GRM3: variants seen among roughly 807,000 people sequenced by gnomAD.
The protein encoded by GRM3 is metabotropic glutamate receptor 3.
GRM3 carries 26 observed loss-of-function variants against 70.5 expected under a neutral mutation model. The observed-to-expected ratio is 0.37, with a 90% CI of 0.27 to 0.51. GRM3 has a LOEUF of 0.51. GRM3 is among the 20% of genes least tolerant of loss of function. The pLI is 0.93. For synonymous variants in GRM3, 443 were observed against 434.9 expected (o/e 1.02, Z -0.23); for missense variants, 859 against 1,123.8 (o/e 0.76, Z 3.37).
At chr7:86,777,494 G>GT (rs563651864) in intron 2 of GRM3, among the ~76,000 whole-genome samples, 51 of 152,244 alleles carry the variant, frequency 3.3e-4, no homozygotes, top group African/African-American at 1.2e-3. Flanking sequence ...TGACTCAAGT[G>GT]TTTTTGGGGC....
At chr7:86,679,986 A>G (rs1794404582) in intron 1 of GRM3, among the ~76,000 whole-genome samples, 1 of 152,154 alleles carries the variant, frequency 6.6e-6, no homozygotes, top group Non-Finnish European at 1.5e-5. Context: ...CTATAATCCA[A>G]CTGGAAAAAT....
chr7:86,657,225 G>A (rs554774259), intron 1 of GRM3, among the ~76,000 whole-genome samples: 2 of 152,250 alleles, frequency 1.3e-5, no homozygotes, highest in African/African-American at 4.8e-5. Context: ...GTACTGAGGA[G>A]GACAAAGAAA....
intron 3 of GRM3, among the ~76,000 whole-genome samples, chr7:86,795,987 T>G (rs1797539989): frequency 6.6e-6 from 1 of 152,240 alleles, no homozygotes; most frequent in East Asian, 1.9e-4. Flanking sequence ...ATGAACAGAT[T>G]GCAAAAATTT....
chr7:86,664,498 T>A (rs533633422), intron 1 of GRM3, among the ~76,000 whole-genome samples: 4 of 151,934 alleles, frequency 2.6e-5, no homozygotes. Flanking sequence ...TCAAAATTAT[T>A]TATGTGTTAG....
At chr7:86,676,331 T>C (rs1166538914) in intron 1 of GRM3, among the ~76,000 whole-genome samples, 3 of 151,872 alleles carry the variant, frequency 2.0e-5, no homozygotes, top group Non-Finnish European at 4.4e-5. Context: ...ACAAAAAATA[T>C]CTCAATAAAA....
chr7:86,863,721 T>A (rs1005975687), intron 5 of GRM3, among the ~76,000 whole-genome samples: 1 of 152,210 alleles, frequency 6.6e-6, no homozygotes, highest in Non-Finnish European at 1.5e-5. Context: ...ATTAAGGTAC[T>A]GAAAACAGTA....
At chr7:86,665,018 C>T (rs1446708611) in intron 1 of GRM3, among the ~76,000 whole-genome samples, 2 of 151,930 alleles carry the variant, frequency 1.3e-5, no homozygotes, top group East Asian at 1.9e-4. Context: ...TTTAGTCTTG[C>T]AATACAATAA....
chr7:86,767,150 T>C (rs1796618761), intron 2 of GRM3, among the ~76,000 whole-genome samples: 1 of 151,910 alleles, frequency 6.6e-6, no homozygotes, highest in Non-Finnish European at 1.5e-5. Flanking sequence ...GGGCAGAGAT[T>C]GCAGTGAGCC....
chr7:86,711,244 G>A (rs969310644), intron 1 of GRM3, among the ~76,000 whole-genome samples: 2 of 151,804 alleles, frequency 1.3e-5, no homozygotes, highest in Admixed American at 6.6e-5. Flanking sequence ...ACAGTTGCCT[G>A]TAAAACATAT....
intron 1 of GRM3, among the ~76,000 whole-genome samples, chr7:86,734,630 G>T (rs916982620): frequency 6.6e-6 from 1 of 152,076 alleles, no homozygotes; most frequent in Admixed American, 6.5e-5. Flanking sequence ...CCAAGCAAAG[G>T]CCTCTGACAA....
chr7:86,774,492 T>C (rs1226480654), intron 2 of GRM3, among the ~76,000 whole-genome samples: 4 of 152,118 alleles, frequency 2.6e-5, no homozygotes, highest in Admixed American at 2.0e-4. Flanking sequence ...TTGTTACTAG[T>C]AACAAAGTTT....
intron 2 of GRM3, among the ~76,000 whole-genome samples, chr7:86,782,267 A>G (rs1473906899): frequency 6.6e-6 from 1 of 151,196 alleles, no homozygotes; most frequent in Non-Finnish European, 1.5e-5. Flanking sequence ...TCATAATGTA[A>G]TCTGCAATTT....
intron 1 of GRM3, among the ~76,000 whole-genome samples, chr7:86,705,077 T>C (rs1029956383): frequency 6.6e-6 from 1 of 151,988 alleles, no homozygotes; most frequent in Non-Finnish European, 1.5e-5. Flanking sequence ...GCAGTTTTAA[T>C]AAGGGAACTT....
intron 1 of GRM3, among the ~76,000 whole-genome samples, chr7:86,673,453 A>C (rs925077383): frequency 6.6e-6 from 1 of 152,012 alleles, no homozygotes; most frequent in African/African-American, 2.4e-5. Context: ...CTAATGCCTA[A>C]AACCAAGCCT....
At chr7:86,685,508 C>G (rs1794541968) in intron 1 of GRM3, among the ~76,000 whole-genome samples, 1 of 152,208 alleles carries the variant, frequency 6.6e-6, no homozygotes, top group Admixed American at 6.5e-5. Context: ...AGGACATTCA[C>G]TTTCGAAACA....
Position 86,828,060 on chromosome 7 carries a change from C to G in GRM3, c.1325-10779C>G, listed in dbSNP as rs1489179094. On this transcript the variant is annotated intron_variant, in intron 3 of 5. Coordinates refer to ENST00000361669, the MANE Select transcript of GRM3 (RefSeq NM_000840.3). ...CCGGGAGGCAGAGCTTGCAGTGAGC[C>G]GAGATCGTGCCACTGCACTACAGCC... Among the ~76,000 whole-genome samples, 4 of 142,120 alleles carry G rather than the reference C, an allele frequency of 2.8e-5. No homozygotes were observed. The South Asian group carries it at 8.8e-4, about 31-fold the overall frequency. The allele number at this position is 142,120 out of a possible 152,430, so 93.2% of individuals were successfully genotyped here.
intron 1 of GRM3, among the ~76,000 whole-genome samples, chr7:86,728,853 A>T (rs1795653893): frequency 6.6e-6 from 1 of 152,204 alleles, no homozygotes; most frequent in Non-Finnish European, 1.5e-5. Flanking sequence ...AAAGATACAC[A>T]ATGATTGTTA....
chr7:86,737,665 A>G (rs1206537473), intron 1 of GRM3, among the ~76,000 whole-genome samples: 1 of 152,208 alleles, frequency 6.6e-6, no homozygotes, highest in Non-Finnish European at 1.5e-5. Context: ...GAAAAAAATT[A>G]TTGTTTGCCA....
chr7:86,732,007 G>T (rs1795745892), intron 1 of GRM3, among the ~76,000 whole-genome samples: 1 of 151,942 alleles, frequency 6.6e-6, no homozygotes, highest in East Asian at 1.9e-4. Flanking sequence ...ATTGAGGATT[G>T]GTAATTTATA....
Sources: gnomAD v4.1 joint callset for allele counts (sites outside exome capture counted in the v4.1 genomes callset) on GRCh38, gnomAD v4.1.1 for gene constraint, MANE v1.5 for transcripts, NCBI Gene and HGNC (gene_info 2026-07-23, HGNC 2026-07-21) for gene names.